The following LARP4 variants were observed in gnomAD, a reference collection of about 807,000 sequenced individuals.
LARP4 encodes the protein la-related protein 4.
Under a neutral mutation model 92.9 loss-of-function variants are expected in LARP4, and 29 were observed. The observed-to-expected ratio is 0.31, with a 90% CI of 0.23 to 0.43. The LOEUF (loss-of-function observed/expected upper bound fraction) is 0.43, where lower values mean the gene tolerates loss of function less well. LARP4 is among the 20% of genes least tolerant of loss of function. The probability of loss-of-function intolerance (pLI) is 1.00; values close to 1 mark genes in which losing one functional copy is unlikely to be tolerated. For synonymous variants in LARP4, 279 were observed against 284.1 expected, an observed-to-expected ratio of 0.98 and a Z score of 0.18; for missense variants, 732 against 860.0, an observed-to-expected ratio of 0.85 and a Z score of 1.86.
intron 15 of LARP4, among the ~76,000 whole-genome samples, chr12:50,474,976 A>G (rs186087568): frequency 2.6e-5 from 4 of 152,376 alleles, no homozygotes; most frequent in Admixed American, 6.5e-5. Flanking sequence ...TTCTCATTCA[A>G]TGATAGTAAT....
chr12:50,429,640 G>T (rs1240348904), intron 3 of LARP4, among the ~76,000 whole-genome samples: 2 of 152,032 alleles, frequency 1.3e-5, no homozygotes, highest in Non-Finnish European at 2.9e-5. Context: ...TTTTGTTGTT[G>T]TTTTTTTGTT....
intron 13 of LARP4, among the ~76,000 whole-genome samples, chr12:50,470,666 T>A (rs570050050): frequency 2.8e-4 from 43 of 152,254 alleles, no homozygotes; most frequent in Non-Finnish European, 6.0e-4. Context: ...ACTCCTGACC[T>A]CAGGTGAGCC....
chr12:50,426,062 A>G (rs532531136), intron 1 of LARP4, among the ~76,000 whole-genome samples: 2 of 152,064 alleles, frequency 1.3e-5, no homozygotes, highest in South Asian at 4.2e-4. Context: ...CACCCACTGT[A>G]CCCAATTGTC....
At chr12:50,470,824 C>T (rs1451616677) in intron 13 of LARP4, among the ~76,000 whole-genome samples, 1 of 152,024 alleles carries the variant, frequency 6.6e-6, no homozygotes, top group Admixed American at 6.5e-5. Context: ...TCATTCTGCC[C>T]CACTCTTCCC....
intron 1 of LARP4, among the ~76,000 whole-genome samples, chr12:50,416,102 A>G (rs2136573216): frequency 6.6e-6 from 1 of 152,322 alleles, no homozygotes; most frequent in East Asian, 1.9e-4. Flanking sequence ...GGTTCTGTTT[A>G]TAACTTCCAT....
intron 11 of LARP4, among the ~76,000 whole-genome samples, chr12:50,462,215 G>A (rs1456676546): frequency 6.6e-6 from 1 of 152,120 alleles, no homozygotes; most frequent in Non-Finnish European, 1.5e-5. Context: ...AGGCATGGTG[G>A]CTCACGCCTG....
intron 13 of LARP4, among the ~76,000 whole-genome samples, chr12:50,467,866 T>TA (rs1232401542): frequency 2.7e-5 from 4 of 148,762 alleles, no homozygotes; most frequent in Admixed American, 1.4e-4. Flanking sequence ...AGTTTTTTTT[T>TA]TAATTATAAC....
chr12:50,478,368 T>C lies in LARP4; in HGVS notation c.*2504T>C, dbSNP rs956865477. Reference sequence around the variant, plus strand: ...GTAATATTTATATATATTCACAGTATGTATTTAGCATTTATTTTATTACAG... The same window carrying C: ...GTAATATTTATATATATTCACAGTACGTATTTAGCATTTATTTTATTACAG... On this transcript the variant is annotated 3_prime_UTR_variant, in exon 16 of 16. Coordinates refer to ENST00000398473, the MANE Select transcript of LARP4 (RefSeq NM_052879.5). 6.6e-6 allele frequency: 1 copy of C among 151,982 alleles called. No individual in the cohort carries two copies. The highest frequency in any genetic ancestry group is 1.5e-5 in the Non-Finnish European group (1 of 67,880). The allele number at this position is 151,982 out of a possible 1,614,324, so 9.4% of individuals were successfully genotyped here.
Position 50,412,263 on chromosome 12 carries a change from G to A in LARP4, c.18+11235G>A, listed in dbSNP as rs183808384. 142 of 161,148 alleles carry A rather than the reference G, an allele frequency of 8.8e-4. 1 individual carries two copies. The highest frequency in any genetic ancestry group is 1.6e-3 in the Non-Finnish European group (124 of 76,260). 10.0% of individuals were successfully genotyped at this position (161,148 alleles called of 1,614,324 possible). A position where few individuals can be genotyped will look rare whatever the true frequency, so the allele number is the denominator to read the frequency against. On this transcript the variant is annotated intron_variant, in intron 1 of 15. Transcript: ENST00000398473. ...ATTCTGAAGTTACTTTGGAAGAAAT[G>A]ACAGGTGTTTTTTTTTCCCCCCCTA...
intron 1 of LARP4, among the ~76,000 whole-genome samples, chr12:50,419,372 G>A (rs890326118): frequency 6.6e-6 from 1 of 151,752 alleles, no homozygotes; most frequent in East Asian, 1.9e-4. Context: ...CTCAAAACAG[G>A]TAGGGAAAAA....
At chr12:50,441,427 A>C (rs1285355070) in intron 7 of LARP4, 163 bp from the exon 8 acceptor site, 5 of 481,908 alleles carry the variant, frequency 1.0e-5, no homozygotes, top group Non-Finnish European at 1.1e-5. Flanking sequence ...TGTGATTGAG[A>C]AGGCGTTACA....
intron 11 of LARP4, 106 bp from the exon 12 acceptor site, chr12:50,462,476 C>CAAAAA: frequency 6.4e-6 from 3 of 465,980 alleles, no homozygotes; most frequent in Non-Finnish European, 1.1e-5. Flanking sequence ...GACTCCATCT[C>CAAAAA]AAAAAAAAAA....
rs891383266 is a variant in LARP4, at chr12:50,479,316, A to G, written c.*3452A>G. 1 of 152,588 alleles carries G rather than the reference A, an allele frequency of 6.6e-6. No homozygotes were observed. Among genetic ancestry groups the G allele is most frequent in the African/African-American group, 2.4e-5 (1 of 41,452 alleles). 9.5% of individuals were successfully genotyped at this position (152,588 alleles called of 1,614,324 possible). ...TTTTACAGAAAAGATAAAACTCAAAAGAGAACAGTGTATTCCTTCTGAGGG... is the reference window on the plus strand; with the variant it reads ...TTTTACAGAAAAGATAAAACTCAAAGGAGAACAGTGTATTCCTTCTGAGGG... On this transcript the variant is annotated 3_prime_UTR_variant, in exon 16 of 16. Coordinates refer to ENST00000398473, the MANE Select transcript of LARP4 (RefSeq NM_052879.5).
At chr12:50,458,114 T>G (rs978366232) in intron 10 of LARP4, among the ~76,000 whole-genome samples, 1 of 151,770 alleles carries the variant, frequency 6.6e-6, no homozygotes, top group Admixed American at 6.6e-5. Context: ...TTGTATTTTT[T>G]TTTTTGTAAA....
At chr12:50,426,058 C>T (rs371392679) in intron 1 of LARP4, among the ~76,000 whole-genome samples, 28 of 152,164 alleles carry the variant, frequency 1.8e-4, no homozygotes, top group African/African-American at 6.0e-4. Context: ...CCTCCACCCA[C>T]TGTACCCAAT....
At chr12:50,426,687 GT>G (rs1565986347) in intron 1 of LARP4, among the ~76,000 whole-genome samples, 850 of 81,038 alleles carry the variant, frequency 0.01, 16 homozygotes, top group African/African-American at 0.031. Flanking sequence ...TGTTTGGGGT[GT>G]GTGTGTGTGT....
chr12:50,446,003 C>CTTTT (rs71441367), intron 8 of LARP4, among the ~76,000 whole-genome samples: 4 of 126,952 alleles, frequency 3.2e-5, no homozygotes, highest in Non-Finnish European at 6.7e-5. Flanking sequence ...TTTCTTTTTT[C>CTTTT]TTTTTTTTTT....
intron 8 of LARP4, among the ~76,000 whole-genome samples, chr12:50,441,893 A>G (rs1951265460): frequency 6.6e-6 from 1 of 152,190 alleles, no homozygotes; most frequent in South Asian, 2.1e-4. Context: ...TACTAAAAAT[A>G]GAAAAAATTA....
At chr12:50,454,997 T>C (rs887134014) in intron 10 of LARP4, 4 of 152,258 alleles carry the variant, frequency 2.6e-5, no homozygotes, top group Non-Finnish European at 5.9e-5. Context: ...GAATCTGAGA[T>C]GTAAAATATC....
Sources: allele counts gnomAD v4.1 joint callset (sites outside exome capture counted in the v4.1 genomes callset), GRCh38; gene constraint gnomAD v4.1.1; transcripts MANE v1.5; gene names NCBI Gene and HGNC (gene_info 2026-07-23, HGNC 2026-07-21).